Variants in OPCML observed in about 807,000 individuals in gnomAD.
The protein encoded by OPCML is opioid-binding protein/cell adhesion molecule.
A neutral mutation model predicts 37.8 loss-of-function variants in OPCML; 13 were observed. The ratio of observed to expected loss-of-function variants is 0.34; its 90% CI spans 0.22 to 0.55. The LOEUF (loss-of-function observed/expected upper bound fraction) is 0.55, where lower values mean the gene tolerates loss of function less well. Among genes scored for constraint, OPCML ranks in the 20% least tolerant of loss-of-function variants. The probability of loss-of-function intolerance (pLI) is 0.91; values close to 1 mark genes in which losing one functional copy is unlikely to be tolerated. For synonymous variants in OPCML, 176 were observed against 168.8 expected, an observed-to-expected ratio of 1.04 and a Z score of -0.33; for missense variants, 341 against 435.6, an observed-to-expected ratio of 0.78 and a Z score of 1.93.
intron 1 of OPCML, among the ~76,000 whole-genome samples, chr11:133,238,348 A>T (rs781679096): frequency 6.6e-6 from 1 of 152,248 alleles, no homozygotes; most frequent in Non-Finnish European, 1.5e-5. Context: ...CTGATTTCAA[A>T]GGCTTGGTAC....
At chr11:132,702,056 T>A (rs1943847028) in intron 2 of OPCML, among the ~76,000 whole-genome samples, 1 of 152,224 alleles carries the variant, frequency 6.6e-6, no homozygotes, top group South Asian at 2.1e-4. Context: ...TTTTTAATAA[T>A]CTTGTCTCTG....
chr11:132,981,493 G>C (rs1334337397), intron 1 of OPCML, among the ~76,000 whole-genome samples: 1 of 152,176 alleles, frequency 6.6e-6, no homozygotes, highest in Non-Finnish European at 1.5e-5. Flanking sequence ...TGGCGGGAAA[G>C]GGCCTGAGGG....
chr11:132,537,160 C>T (rs774646887), intron 3 of OPCML, among the ~76,000 whole-genome samples: 1 of 152,170 alleles, frequency 6.6e-6, no homozygotes, highest in Non-Finnish European at 1.5e-5. Context: ...GCATTAAGTG[C>T]TGTATATACA....
rs1044498328 is a variant in OPCML, at chr11:133,206,983, G to C, written c.62-263973C>G. 1.3e-5 allele frequency among the ~76,000 whole-genome samples: 2 copies of C among 151,990 alleles called. No individual in the cohort carries two copies. The highest frequency in any genetic ancestry group is 3.9e-4 in the East Asian group (2 of 5,162). ...CACTCACGTGATCTCTCAGAGGAAC[G>C]CCATAGAAAATCTCCTTCTAAGAGC... On this transcript the variant is annotated intron_variant, in intron 1 of 7. Coordinates refer to ENST00000524381, the MANE Select transcript of OPCML (RefSeq NM_001012393.5). This position sits in a 1 kb window ranked among gnomAD's most constrained non-coding sequence, Gnocchi z 4.7.
intron 1 of OPCML, among the ~76,000 whole-genome samples, chr11:133,417,635 T>C (rs60012846): frequency 0.1 from 11,391 of 110,394 alleles, 1,383 homozygotes; most frequent in African/African-American, 0.33. Flanking sequence ...CCCTCCCCAC[T>C]CCCCCGACCC....
intron 1 of OPCML, among the ~76,000 whole-genome samples, chr11:133,045,965 T>C (rs1948004636): frequency 6.6e-6 from 1 of 152,150 alleles, no homozygotes; most frequent in East Asian, 1.9e-4. Flanking sequence ...AGTTACTGCT[T>C]AGCATGTGAA....
chr11:133,497,558 G>T (rs978189302), intron 1 of OPCML, among the ~76,000 whole-genome samples: 1 of 150,968 alleles, frequency 6.6e-6, no homozygotes, highest in Admixed American at 6.6e-5. Flanking sequence ...ACAGGTGGAA[G>T]CTCCCACCAG....
At chr11:132,435,993 C>T in intron 7 of OPCML, 93 bp downstream of exon 7, 1 of 1,352,902 alleles carries the variant, frequency 7.4e-7, no homozygotes, top group Non-Finnish European at 1.0e-6. Flanking sequence ...GATGGATGGA[C>T]ACAGGCCAAG....
intron 1 of OPCML, among the ~76,000 whole-genome samples, chr11:133,379,785 C>A (rs1306061750): frequency 1.3e-5 from 2 of 152,126 alleles, no homozygotes; most frequent in African/African-American, 2.4e-5. Flanking sequence ...GTTGGAAGAT[C>A]CACAGTGTAC....
intron 1 of OPCML, among the ~76,000 whole-genome samples, chr11:133,084,934 CA>C (rs1179535314): frequency 1.3e-5 from 2 of 152,306 alleles, no homozygotes; most frequent in East Asian, 3.9e-4. Context: ...TTCATCTGTT[CA>C]AAGTCCGACT....
chr11:132,834,526 T>G (rs183859918), intron 2 of OPCML, among the ~76,000 whole-genome samples: 6 of 152,286 alleles, frequency 3.9e-5, no homozygotes, highest in Non-Finnish European at 1.5e-5. Flanking sequence ...CCTTGCCTCT[T>G]CTAGCATGCG....
intron 1 of OPCML, among the ~76,000 whole-genome samples, chr11:133,268,413 T>G (rs1341648740): frequency 6.6e-6 from 1 of 152,168 alleles, no homozygotes; most frequent in Non-Finnish European, 1.5e-5. Flanking sequence ...GCTTTCTGAG[T>G]CTACTTTATG....
At chr11:133,280,213 C>A (rs1809732300) in intron 1 of OPCML, among the ~76,000 whole-genome samples, 3 of 152,180 alleles carry the variant, frequency 2.0e-5, no homozygotes, top group South Asian at 2.1e-4. Context: ...TTAAGCCTTG[C>A]AAATAAATTC....
intron 1 of OPCML, among the ~76,000 whole-genome samples, chr11:133,217,950 C>A (rs545772885): frequency 1.3e-5 from 2 of 151,154 alleles, no homozygotes; most frequent in African/African-American, 4.9e-5. Flanking sequence ...GGAGGCTGAG[C>A]GGGGAGGATG....
intron 1 of OPCML, among the ~76,000 whole-genome samples, chr11:133,342,784 A>C (rs764955403): frequency 6.6e-6 from 1 of 152,144 alleles, no homozygotes; most frequent in Non-Finnish European, 1.5e-5. Context: ...CGTTTGGGAC[A>C]TAGAGGGAGC....
rs556932144 is a variant in OPCML, at chr11:132,849,701, T to TA, written c.146+93224dup. On this transcript the variant is annotated intron_variant, in intron 2 of 7. Coordinates refer to ENST00000524381, the MANE Select transcript of OPCML (RefSeq NM_001012393.5). ...ACAGTGCTCTCAGCAGAGGGACCAG[T>TA]AAGTAGAAAGCAGACACACAGCCCT... Among the ~76,000 whole-genome samples, 216 of 152,246 alleles carry TA rather than the reference T, an allele frequency of 1.4e-3. 1 individual carries two copies. The highest frequency in any genetic ancestry group is 4.8e-3 in the African/African-American group (200 of 41,548).
In OPCML at chr11:132,452,234, T is replaced by A. The variant is rs1375041368; in HGVS notation, c.506-14875A>T. On this transcript the variant is annotated intron_variant, in intron 4 of 7. Transcript: ENST00000524381. ...AAGCAGTTGCTAGGCACCCAGAAGA[T>A]TATTACTATTCAAGCTTTTGTTTCA... Among the ~76,000 whole-genome samples, 4 of 152,092 alleles carry A rather than the reference T, an allele frequency of 2.6e-5. No individual in the cohort carries two copies. In the East Asian group the frequency reaches 5.8e-4, roughly 22 times the overall value.
At chr11:133,259,420 C>T (rs1056833751) in intron 1 of OPCML, among the ~76,000 whole-genome samples, 1 of 152,106 alleles carries the variant, frequency 6.6e-6, no homozygotes, top group Non-Finnish European at 1.5e-5. Flanking sequence ...AAGATTTGTA[C>T]CCCAGCAGTG....
intron 2 of OPCML, among the ~76,000 whole-genome samples, chr11:132,674,979 C>T (rs1942635486): frequency 6.6e-6 from 1 of 152,106 alleles, no homozygotes; most frequent in African/African-American, 2.4e-5. Flanking sequence ...TTTAAATCAG[C>T]TACTATTCAT....
Sources: gnomAD v4.1 joint callset for allele counts (sites outside exome capture counted in the v4.1 genomes callset) on GRCh38, gnomAD v4.1.1 for gene constraint, Gnocchi (gnomAD v3.1) non-coding constraint, MANE v1.5 for transcripts, NCBI Gene and HGNC (gene_info 2026-07-23, HGNC 2026-07-21) for gene names.